STAC: variants seen among roughly 807,000 people sequenced by gnomAD.
STAC encodes SH3 and cysteine-rich domain-containing protein.
In STAC, 43 loss-of-function variants were observed where a neutral mutation model predicts 48.8. That is an observed-to-expected ratio of 0.88 (90% CI 0.69 to 1.14). STAC has a LOEUF of 1.14. Ranked by LOEUF, STAC falls within the 50% of genes most tolerant of loss-of-function variation. The pLI is 0.00. For missense variants in STAC, 497 were observed against 504.0 expected, an observed-to-expected ratio of 0.99 and a Z score of 0.13; for synonymous variants, 193 against 179.5, an observed-to-expected ratio of 1.07 and a Z score of -0.60.
chr3:36,396,932 T>G (rs1316402614), intron 1 of STAC, among the ~76,000 whole-genome samples: 1 of 152,200 alleles, frequency 6.6e-6, no homozygotes, highest in Non-Finnish European at 1.5e-5. Context: ...ACAGAGTCTA[T>G]CCCTCTCTCT....
At chr3:36,515,174 A>T (rs550795743) in intron 8 of STAC, among the ~76,000 whole-genome samples, 1 of 152,090 alleles carries the variant, frequency 6.6e-6, no homozygotes, top group Non-Finnish European at 1.5e-5. Context: ...TTATTCATCA[A>T]GAAGAAATTG....
chr3:36,424,559 C>T (rs193074859), intron 1 of STAC, among the ~76,000 whole-genome samples: 102 of 152,140 alleles, frequency 6.7e-4, no homozygotes, highest in African/African-American at 2.0e-3. Flanking sequence ...GCATCTAGTG[C>T]GCAGACATCT....
intron 6 of STAC, among the ~76,000 whole-genome samples, chr3:36,503,499 T>C: frequency 6.6e-6 from 1 of 152,180 alleles, no homozygotes; most frequent in East Asian, 1.9e-4. Flanking sequence ...GGTGTGATCT[T>C]ACCTTACTGC....
intron 10 of STAC, among the ~76,000 whole-genome samples, chr3:36,544,991 T>C (rs1455579960): frequency 6.6e-6 from 1 of 152,200 alleles, no homozygotes; most frequent in African/African-American, 2.4e-5. Flanking sequence ...TCTTTGAGTG[T>C]CCTATTCAAG....
chr3:36,547,421 T>A lies in STAC; in HGVS notation c.*1132T>A, dbSNP rs556735994. 8 of 152,770 alleles carry A rather than the reference T, an allele frequency of 5.2e-5. No homozygotes were observed. The East Asian group carries it at 1.5e-3, about 30-fold the overall frequency. The allele number at this position is 152,770 out of a possible 1,614,324, so 9.5% of individuals were successfully genotyped here. A position where few individuals can be genotyped will look rare whatever the true frequency, so the allele number is the denominator to read the frequency against. ...GAAAGTAGAGGAACTAGGGGCCCAA[T>A]TAGCATCATCTAGGGGAATCTCTAT... On this transcript the variant is annotated 3_prime_UTR_variant, in exon 11 of 11. Transcript: ENST00000273183.
At chr3:36,414,426 G>C (rs1473826108) in intron 1 of STAC, among the ~76,000 whole-genome samples, 1 of 151,862 alleles carries the variant, frequency 6.6e-6, no homozygotes, top group African/African-American at 2.4e-5. Flanking sequence ...TCATTCATTT[G>C]ATCTTCCATC....
At chr3:36,403,150 T>G (rs969873870) in intron 1 of STAC, among the ~76,000 whole-genome samples, 1 of 152,202 alleles carries the variant, frequency 6.6e-6, no homozygotes, top group Non-Finnish European at 1.5e-5. Flanking sequence ...AGGAATGAAT[T>G]TTTTGGAAAA....
chr3:36,440,858 T>C (rs2125663201), intron 1 of STAC, among the ~76,000 whole-genome samples: 1 of 152,204 alleles, frequency 6.6e-6, no homozygotes, highest in Non-Finnish European at 1.5e-5. Flanking sequence ...TGATATATTG[T>C]GTAGGGGGAG....
rs1477945036 is a variant in STAC, at chr3:36,514,398, TTTCATTTCCTTGTTGCAGCCTTTC to T, written c.920+8565_920+8588del. The stretch of plus-strand genomic sequence containing the variant: ...TTCATGCACTAGATCTCAGGTCAAA[TTTCATTTCCTTGTTGCAGCCTTTC>T]CTGTTACCCTACTTTGGATTACATT... On this transcript the variant is annotated intron_variant, in intron 8 of 10. Transcript: ENST00000273183. Among the ~76,000 whole-genome samples, 37 of 151,998 alleles carry T rather than the reference TTTCATTTCCTTGTTGCAGCCTTTC, an allele frequency of 2.4e-4. No homozygotes were observed. The East Asian group carries it at 4.6e-3, about 19-fold the overall frequency.
chr3:36,497,851 TATA>T (rs1698186023), intron 6 of STAC, among the ~76,000 whole-genome samples: 1 of 152,144 alleles, frequency 6.6e-6, no homozygotes, highest in Non-Finnish European at 1.5e-5. Context: ...GGGCAAATAA[TATA>T]ATAATATGAA....
chr3:36,484,306 G>A (rs1299689004), intron 3 of STAC, among the ~76,000 whole-genome samples: 1 of 152,182 alleles, frequency 6.6e-6, no homozygotes, highest in African/African-American at 2.4e-5. Context: ...AGAAGGGACT[G>A]GGCCACCAAG....
At chr3:36,402,702 TAAG>T (rs887925799) in intron 1 of STAC, among the ~76,000 whole-genome samples, 8 of 152,154 alleles carry the variant, frequency 5.3e-5, no homozygotes, top group African/African-American at 1.4e-4. Flanking sequence ...ACAGGAATAA[TAAG>T]AAGGAGTATA....
intron 10 of STAC, among the ~76,000 whole-genome samples, chr3:36,543,646 G>C (rs1305464882): frequency 1.3e-5 from 2 of 152,180 alleles, no homozygotes; most frequent in Non-Finnish European, 2.9e-5. Context: ...GCACATATTT[G>C]AACCTCAGTG....
chr3:36,492,955 A>G (rs1306436959), intron 5 of STAC, among the ~76,000 whole-genome samples, 196 bp from the exon 6 acceptor site: 1 of 152,192 alleles, frequency 6.6e-6, no homozygotes, highest in African/African-American at 2.4e-5. Context: ...TGAGCCTGCT[A>G]TAGACACCTG....
At chr3:36,518,087 CTTA>C (rs531005978) in intron 8 of STAC, among the ~76,000 whole-genome samples, 29 of 152,298 alleles carry the variant, frequency 1.9e-4, no homozygotes, top group Non-Finnish European at 3.4e-4. Context: ...GGAGTTATCA[CTTA>C]TTATTCACAC....
chr3:36,472,254 C>T (rs1189070869), intron 2 of STAC, among the ~76,000 whole-genome samples: 1 of 152,244 alleles, frequency 6.6e-6, no homozygotes, highest in Non-Finnish European at 1.5e-5. Flanking sequence ...GACTGGGACA[C>T]AGGGCACCAA....
intron 3 of STAC, among the ~76,000 whole-genome samples, chr3:36,484,715 G>T (rs1697753453): frequency 6.6e-6 from 1 of 152,240 alleles, no homozygotes; most frequent in Non-Finnish European, 1.5e-5. Flanking sequence ...GTGCACTGCA[G>T]GAGGAGGACA....
chr3:36,446,776 T>C (rs1162207176), intron 2 of STAC, among the ~76,000 whole-genome samples: 2 of 152,240 alleles, frequency 1.3e-5, no homozygotes, highest in East Asian at 3.8e-4. Flanking sequence ...ATTAACTAAA[T>C]GTTTTTAATT....
At chr3:36,441,149 T>C (rs1227644600) in intron 1 of STAC, among the ~76,000 whole-genome samples, 1 of 152,218 alleles carries the variant, frequency 6.6e-6, no homozygotes, top group African/African-American at 2.4e-5. Context: ...TGTATTGTTG[T>C]TAACTATAGT....
Sources: allele counts gnomAD v4.1 joint callset (sites outside exome capture counted in the v4.1 genomes callset), GRCh38; gene constraint gnomAD v4.1.1; transcripts MANE v1.5; gene names NCBI Gene and HGNC (gene_info 2026-07-23, HGNC 2026-07-21).